Variants in CTNNA3 observed in about 807,000 individuals in gnomAD.
CTNNA3 encodes catenin alpha-3.
In CTNNA3, 76 loss-of-function variants were observed where a neutral mutation model predicts 95.7. The ratio of observed to expected loss-of-function variants is 0.79; its 90% CI spans 0.66 to 0.96. The LOEUF (loss-of-function observed/expected upper bound fraction) is 0.96. CTNNA3 is among the 40% of genes least tolerant of loss of function. CTNNA3 has a pLI of 0.00. For synonymous variants in CTNNA3, 431 were observed against 374.4 expected (o/e 1.15, Z -1.74); for missense variants, 1,191 against 1,089.8 (o/e 1.09, Z -1.31).
At chr10:67,047,397 A>G (rs1486041697) in intron 7 of CTNNA3, among the ~76,000 whole-genome samples, 3 of 152,166 alleles carry the variant, frequency 2.0e-5, no homozygotes, top group African/African-American at 7.2e-5. Flanking sequence ...ATCAAAAACA[A>G]GAGAGAACAA....
intron 5 of CTNNA3, among the ~76,000 whole-genome samples, chr10:67,416,913 C>A (rs1589270059): frequency 6.6e-6 from 1 of 152,028 alleles, no homozygotes. Context: ...TAAAACATAG[C>A]TACCATTAGA....
At chr10:66,105,761 G>A (rs1424757816) in intron 13 of CTNNA3, among the ~76,000 whole-genome samples, 1 of 152,200 alleles carries the variant, frequency 6.6e-6, no homozygotes, top group Non-Finnish European at 1.5e-5. Flanking sequence ...GTGGGGAAGT[G>A]TTCAAAACAC....
At chr10:67,340,776 T>A (rs576465270) in intron 5 of CTNNA3, among the ~76,000 whole-genome samples, 9 of 152,358 alleles carry the variant, frequency 5.9e-5, no homozygotes, top group African/African-American at 2.2e-4. Flanking sequence ...AGTAGCTTTT[T>A]ATATAGAATG....
chr10:66,511,338 TTTTG>T (rs1477463772), intron 11 of CTNNA3, among the ~76,000 whole-genome samples: 3 of 151,816 alleles, frequency 2.0e-5, no homozygotes, highest in Admixed American at 2.0e-4. Context: ...TTCATGAATC[TTTTG>T]TTTGCTTTTT....
intron 5 of CTNNA3, among the ~76,000 whole-genome samples, chr10:67,508,163 A>G (rs1476854381): frequency 6.6e-6 from 1 of 151,984 alleles, no homozygotes; most frequent in Non-Finnish European, 1.5e-5. Context: ...ACAGGCCCAC[A>G]CCACCACACC....
chr10:67,514,055 A>G (rs1564706476), intron 5 of CTNNA3, among the ~76,000 whole-genome samples: 1 of 152,212 alleles, frequency 6.6e-6, no homozygotes, highest in African/African-American at 2.4e-5. Context: ...TCATGCCTCT[A>G]ATCCTTGCAC....
Position 67,141,395 on chromosome 10 carries a change from G to T in CTNNA3, c.1047+38922C>A, listed in dbSNP as rs376706754. On this transcript the variant is annotated intron_variant, in intron 7 of 17. Transcript: ENST00000433211. ...AAGCAAGTTTTGTCCTCCTAGGATT[G>T]CTGGGAGCAAAATAAACCCGACGTC... 2.6e-5 allele frequency among the ~76,000 whole-genome samples: 4 copies of T among 152,068 alleles called. 1 individual carries two copies. The highest frequency in any genetic ancestry group is 4.2e-4 in the South Asian group (2 of 4,812).
chr10:67,751,208 C>T (rs766516632), intron 1 of CTNNA3: 40 of 1,284,618 alleles, frequency 3.1e-5, no homozygotes, highest in Non-Finnish European at 4.4e-5. Flanking sequence ...ATTTGGAGGA[C>T]TATCCCTTCG....
chr10:67,257,852 T>C (rs1489078128), intron 5 of CTNNA3, among the ~76,000 whole-genome samples: 1 of 152,208 alleles, frequency 6.6e-6, no homozygotes, highest in African/African-American at 2.4e-5. Context: ...AAAGGTTTTC[T>C]GAAAAACATG....
intron 13 of CTNNA3, among the ~76,000 whole-genome samples, chr10:66,264,326 A>G (rs1268676246): frequency 6.6e-6 from 1 of 151,884 alleles, no homozygotes; most frequent in Non-Finnish European, 1.5e-5. Context: ...TCAATCCCAC[A>G]TTCATTCCCA....
At chr10:66,319,636 A>G (rs2092154355) in intron 12 of CTNNA3, among the ~76,000 whole-genome samples, 1 of 152,166 alleles carries the variant, frequency 6.6e-6, no homozygotes, top group Admixed American at 6.5e-5. Context: ...TTGCCCTGAT[A>G]TTTTAATGCC....
chr10:67,333,935 C>T (rs1904625), intron 5 of CTNNA3, among the ~76,000 whole-genome samples: 107,073 of 152,120 alleles, frequency 0.7, 41,274 homozygotes, highest in Non-Finnish European at 0.85. Flanking sequence ...GGGTGATTTG[C>T]TAAGTCTTCC....
rs117321394 is a variant in CTNNA3, at chr10:66,559,670, A to G, written c.1375-38897T>C. The stretch of plus-strand genomic sequence containing the variant: ...CGGGTATCACGACAGACTTTTATAC[A>G]TGCTCATCTCTGGGTCTGAAATGTT... On this transcript the variant is annotated intron_variant, in intron 10 of 17. Transcript: ENST00000433211. Among the ~76,000 whole-genome samples, 26 of 151,958 alleles carry G rather than the reference A, an allele frequency of 1.7e-4. No individual in the cohort carries two copies. In the East Asian group the frequency reaches 5.0e-3, roughly 29 times the overall value.
At chr10:67,513,473 A>G (rs2133136040) in intron 5 of CTNNA3, among the ~76,000 whole-genome samples, 2 of 152,324 alleles carry the variant, frequency 1.3e-5, no homozygotes, top group Middle Eastern at 6.8e-3. Flanking sequence ...AGAAGACTGC[A>G]CCCACATCTT....
chr10:66,801,081 G>A (rs1841410308), intron 7 of CTNNA3, among the ~76,000 whole-genome samples: 1 of 151,152 alleles, frequency 6.6e-6, no homozygotes, highest in Admixed American at 6.6e-5. Flanking sequence ...ATATAGAAAG[G>A]AGCACTAAGT....
chr10:67,151,484 A>G (rs1387972449), intron 7 of CTNNA3, among the ~76,000 whole-genome samples: 1 of 152,244 alleles, frequency 6.6e-6, no homozygotes, highest in Non-Finnish European at 1.5e-5. Context: ...AATACAAGAC[A>G]TCAAGTCAGA....
chr10:66,450,933 A>T (rs10822833), intron 11 of CTNNA3, among the ~76,000 whole-genome samples: 64 of 152,228 alleles, frequency 4.2e-4, no homozygotes, highest in African/African-American at 1.5e-3. Context: ...CGGTTTTAGC[A>T]GTTGCCAAAA....
intron 7 of CTNNA3, among the ~76,000 whole-genome samples, chr10:67,010,302 T>C (rs188252476): frequency 6.6e-6 from 1 of 152,344 alleles, no homozygotes; most frequent in Admixed American, 6.5e-5. Context: ...TTAGTTAGAA[T>C]AATCTTTGGA....
intron 11 of CTNNA3, among the ~76,000 whole-genome samples, chr10:66,448,625 A>C (rs12248824): frequency 0.034 from 5,168 of 151,730 alleles, 297 homozygotes; most frequent in African/African-American, 0.12. Flanking sequence ...GGAATTGAAC[A>C]ATGAGAACAC....
Sources: allele counts gnomAD v4.1 joint callset (sites outside exome capture counted in the v4.1 genomes callset), GRCh38; gene constraint gnomAD v4.1.1; transcripts MANE v1.5; gene names NCBI Gene and HGNC (gene_info 2026-07-23, HGNC 2026-07-21).